Variants in DENND1B observed in about 807,000 individuals in gnomAD.
DENND1B encodes the protein DENN domain containing 1B.
DENND1B carries 59 observed loss-of-function variants against 90.1 expected under a neutral mutation model. The ratio of observed to expected loss-of-function variants is 0.65; its 90% CI spans 0.53 to 0.81. The LOEUF is 0.81. Ranked by LOEUF, DENND1B falls within the 40% of genes least tolerant of loss-of-function variation. The pLI is 0.00. For synonymous variants in DENND1B, 337 were observed against 324.6 expected (o/e 1.04, Z -0.41); for missense variants, 862 against 912.6 (o/e 0.94, Z 0.71).
chr1:197,642,713 T>C lies in DENND1B; in HGVS notation c.670A>G (p.Thr224Ala), dbSNP rs1680372219. The change falls in exon 10 of 23, where the codon ACT becomes GCT. Residue 224 changes from threonine (T) to alanine (A), a missense_variant and splice_region_variant. Thr to Ala is a moderately conservative substitution (Grantham distance 58, BLOSUM62 0). Coordinates refer to ENST00000620048, the MANE Select transcript of DENND1B (RefSeq NM_001195215.2). ...TAAAAGAAGTGTGAAGTACTTACAGTGCTTAATTTGCTCGAGATAATCACG... is the reference window on the plus strand; with the variant it reads ...TAAAAGAAGTGTGAAGTACTTACAGCGCTTAATTTGCTCGAGATAATCACG... ...RIVIISSKLS[T>A]LTACIHGSAA... 1 of 1,610,812 alleles carries C rather than the reference T, an allele frequency of 6.2e-7. No homozygotes were observed. The highest frequency in any genetic ancestry group is 8.5e-7 in the Non-Finnish European group (1 of 1,178,194).
At chr1:197,631,386 A>G (rs1034017662) in intron 10 of DENND1B, among the ~76,000 whole-genome samples, 10 of 152,142 alleles carry the variant, frequency 6.6e-5, no homozygotes, top group African/African-American at 2.2e-4. Flanking sequence ...TAGATGAATT[A>G]TAAGAAGGTA....
chr1:197,686,305 C>G (rs1376083688), intron 3 of DENND1B, among the ~76,000 whole-genome samples: 1 of 152,052 alleles, frequency 6.6e-6, no homozygotes, highest in Non-Finnish European at 1.5e-5. Flanking sequence ...ACAGGAATGA[C>G]TAATTTATAA....
chr1:197,657,713 T>A (rs1653991265), intron 6 of DENND1B, among the ~76,000 whole-genome samples: 1 of 152,150 alleles, frequency 6.6e-6, no homozygotes, highest in Non-Finnish European at 1.5e-5. Flanking sequence ...AAAAATTAAA[T>A]GCAGAATTAT....
intron 2 of DENND1B, chr1:197,735,957 G>T: frequency 1.4e-6 from 2 of 1,414,190 alleles, no homozygotes; most frequent in Non-Finnish European, 2.0e-6. Context: ...ACGAGAACAA[G>T]GTATCAGGGC....
chr1:197,758,960 ATTT>A (rs759108636), intron 2 of DENND1B, among the ~76,000 whole-genome samples: 15 of 97,836 alleles, frequency 1.5e-4, no homozygotes, highest in African/African-American at 3.3e-4. Flanking sequence ...TACTTCATTA[ATTT>A]TTTTTTTTTT....
chr1:197,515,640 G>A (rs755330415), intron 20 of DENND1B, among the ~76,000 whole-genome samples: 13 of 151,750 alleles, frequency 8.6e-5, no homozygotes, highest in Admixed American at 1.3e-4. Flanking sequence ...ACTAATACAG[G>A]AAGATTAGAT....
intron 5 of DENND1B, among the ~76,000 whole-genome samples, chr1:197,660,216 T>C (rs1430520685): frequency 6.6e-6 from 1 of 151,986 alleles, no homozygotes; most frequent in Non-Finnish European, 1.5e-5. Flanking sequence ...AAACAACGCT[T>C]GTAAGTTCTA....
At chr1:197,558,364 T>G (rs1671881792) in intron 15 of DENND1B, among the ~76,000 whole-genome samples, 1 of 151,724 alleles carries the variant, frequency 6.6e-6, no homozygotes, top group African/African-American at 2.4e-5. Flanking sequence ...ATACATGTAA[T>G]TCTCAAGATC....
intron 3 of DENND1B, among the ~76,000 whole-genome samples, chr1:197,695,379 T>G (rs1658328873): frequency 1.3e-5 from 2 of 151,050 alleles, no homozygotes; most frequent in Admixed American, 1.3e-4. Context: ...ATTGCTATTT[T>G]AGCATTACTG....
rs189689739 is a variant in DENND1B, at chr1:197,517,814, G to A, written c.1516-4861C>T. On this transcript the variant is annotated intron_variant, in intron 20 of 22. Transcript: ENST00000620048. ...GATGTTTGCTCCACACTACTAAACC[G>A]TCTCCTTCTCTTGTATACTTCTCAA... Among the ~76,000 whole-genome samples the A allele has an allele frequency of 9.9e-5, 15 of 151,900 alleles. 1 individual carries two copies. Among genetic ancestry groups the A allele is most frequent in the East Asian group, 5.8e-4 (3 of 5,140 alleles).
chr1:197,604,192 TG>T (rs1190159435), intron 13 of DENND1B, among the ~76,000 whole-genome samples: 14 of 149,084 alleles, frequency 9.4e-5, no homozygotes, highest in Admixed American at 1.4e-4. Context: ...CAATAAAATA[TG>T]TTTTTTTTTC....
At chr1:197,548,352 T>C (rs1202488746) in intron 16 of DENND1B, among the ~76,000 whole-genome samples, 2 of 152,168 alleles carry the variant, frequency 1.3e-5, no homozygotes, top group African/African-American at 2.4e-5. Context: ...GCCTACTCTA[T>C]CTTTGTGAAG....
chr1:197,722,490 G>A (rs770969810), intron 2 of DENND1B, among the ~76,000 whole-genome samples: 10 of 152,018 alleles, frequency 6.6e-5, no homozygotes, highest in Non-Finnish European at 1.0e-4. Context: ...AAGTCTAAAA[G>A]TTTCTTAGTT....
At chr1:197,576,807 T>C (rs1673726088) in intron 15 of DENND1B, among the ~76,000 whole-genome samples, 1 of 152,102 alleles carries the variant, frequency 6.6e-6, no homozygotes, top group Admixed American at 6.5e-5. Context: ...GGGGGAACAT[T>C]AAAAAAGAGT....
rs750303409 is a variant in DENND1B, at chr1:197,545,936, T to C, written c.1336A>G (p.Thr446Ala). Residue 446 changes from threonine to alanine, a missense_variant, in exon 18 of 23, where the codon ACA (threonine) becomes GCA (alanine). Thr to Ala is a moderately conservative substitution (Grantham distance 58, BLOSUM62 0). Coordinates refer to ENST00000620048, the MANE Select transcript of DENND1B (RefSeq NM_001195215.2). The stretch of plus-strand genomic sequence containing the variant: ...AAAAAACTTACAAATTTATATGCTG[T>C]CCGTACAGCAGGGGTTGCTTTGGTC... ...AMTKATPAVR[T>A]AYKFAKNHAK... The C allele has an allele frequency of 6.2e-7, 1 of 1,603,276 alleles. No homozygotes were observed. The highest frequency in any genetic ancestry group is 2.2e-5 in the East Asian group (1 of 44,542).
chr1:197,550,516 C>T (rs1015393283), intron 16 of DENND1B, among the ~76,000 whole-genome samples: 4 of 151,980 alleles, frequency 2.6e-5, no homozygotes, highest in South Asian at 4.1e-4. Flanking sequence ...TTTGTAGGGA[C>T]ATGGATGAAG....
chr1:197,580,631 T>G (rs1321042218), intron 15 of DENND1B, among the ~76,000 whole-genome samples: 1 of 152,154 alleles, frequency 6.6e-6, no homozygotes, highest in South Asian at 2.1e-4. Flanking sequence ...AGGCTGCAAA[T>G]TTCTGTGCAG....
intron 14 of DENND1B, among the ~76,000 whole-genome samples, chr1:197,590,942 T>G (rs540531203): frequency 2.6e-5 from 4 of 152,312 alleles, no homozygotes; most frequent in East Asian, 1.9e-4. Flanking sequence ...TATACAACAC[T>G]AAGCACTGCA....
At chr1:197,759,039 G>A (rs55995691) in intron 2 of DENND1B, among the ~76,000 whole-genome samples, 61,523 of 144,366 alleles carry the variant, frequency 0.43, 14,891 homozygotes, top group East Asian at 0.66. Context: ...GTGTGATCTC[G>A]GCTCAATGCA....
Sources: gnomAD v4.1 joint callset for allele counts (sites outside exome capture counted in the v4.1 genomes callset) on GRCh38, gnomAD v4.1.1 for gene constraint, MANE v1.5 for transcripts, NCBI Gene and HGNC (gene_info 2026-07-23, HGNC 2026-07-21) for gene names.